Variants in DNAH12 observed in about 807,000 individuals in gnomAD.
DNAH12 encodes axonemal beta dynein heavy chain 12.
In DNAH12, 285 loss-of-function variants were observed where a neutral mutation model predicts 371.5. The observed-to-expected ratio is 0.77, with a 90% CI of 0.70 to 0.85. DNAH12 has a LOEUF of 0.85. Among genes scored for constraint, DNAH12 ranks in the 40% least tolerant of loss-of-function variants. The pLI is 0.00. For missense variants in DNAH12, 3,611 were observed against 3,689.4 expected (o/e 0.98, Z 0.55); for synonymous variants, 1,200 against 1,213.0 (o/e 0.99, Z 0.22).
At chr3:57,332,451 C>A (rs983978666) in intron 62 of DNAH12, among the ~76,000 whole-genome samples, 5 of 152,110 alleles carry the variant, frequency 3.3e-5, no homozygotes, top group Admixed American at 6.5e-5. Flanking sequence ...CATTTTTGCA[C>A]AGGGGGCAAT....
chr3:57,388,468 G>C (rs2063540331), intron 45 of DNAH12, among the ~76,000 whole-genome samples: 1 of 149,598 alleles, frequency 6.7e-6, no homozygotes, highest in African/African-American at 2.5e-5. Context: ...TTTTTTTTTG[G>C]TGTCTAGCCT....
intron 62 of DNAH12, among the ~76,000 whole-genome samples, chr3:57,326,092 T>C (rs13080525): frequency 0.22 from 33,299 of 151,376 alleles, 4,310 homozygotes; most frequent in South Asian, 0.4. Flanking sequence ...ATTGGTGTAC[T>C]TGAAAGTGAC....
intron 59 of DNAH12, among the ~76,000 whole-genome samples, chr3:57,355,767 A>G (rs999038317): frequency 6.6e-6 from 1 of 152,132 alleles, no homozygotes; most frequent in Admixed American, 6.5e-5. Flanking sequence ...CCAAATCCCA[A>G]CTGAGAAGGG....
chr3:57,408,325 T>C lies in DNAH12; in HGVS notation c.6231A>G (p.Pro2077=). 2 of 1,551,356 alleles carry C rather than the reference T, an allele frequency of 1.3e-6. No homozygotes were observed. The highest frequency in any genetic ancestry group is 1.2e-5 in the South Asian group (1 of 83,964). The change falls in exon 40 of 74, where the codon CCA becomes CCG. Residue 2077 remains proline, a synonymous_variant. Coordinates refer to ENST00000495027, the MANE Select transcript of DNAH12 (RefSeq NM_001366028.2). ...TCTGGTTCCCAATTACAAAGTACTC[T>C]GGAGGAAATTCATGAGTTCTAAGGT... The part of the protein sequence containing the change: ...AFYLRTHEFP[P]EYFVIGNQIV...
chr3:57,410,117 G>A (rs576534943), intron 39 of DNAH12, among the ~76,000 whole-genome samples: 1 of 152,152 alleles, frequency 6.6e-6, no homozygotes, highest in Non-Finnish European at 1.5e-5. Flanking sequence ...TAGTTGAAAA[G>A]TGCAGGCATA....
chr3:57,349,794 A>T (rs2062629189), intron 60 of DNAH12, among the ~76,000 whole-genome samples: 1 of 152,054 alleles, frequency 6.6e-6, no homozygotes, highest in African/African-American at 2.4e-5. Context: ...GGCTCAACTG[A>T]TTCTTGCCTC....
chr3:57,413,687 A>T, intron 39 of DNAH12, 59 bp downstream of exon 39: 1 of 1,481,594 alleles, frequency 6.7e-7, no homozygotes, highest in Non-Finnish European at 9.0e-7. Flanking sequence ...TTTACTTTAA[A>T]AACCTAAAAT....
At chr3:57,388,780 C>T (rs992626244) in intron 45 of DNAH12, among the ~76,000 whole-genome samples, 1 of 151,982 alleles carries the variant, frequency 6.6e-6, no homozygotes, top group Non-Finnish European at 1.5e-5. Context: ...TGGAAACCAT[C>T]ATTCTCAGCA....
chr3:57,369,688 T>C (rs1277222949), intron 55 of DNAH12, among the ~76,000 whole-genome samples: 21 of 152,292 alleles, frequency 1.4e-4, no homozygotes, highest in African/African-American at 4.6e-4. Context: ...AGAAGTTACC[T>C]AGTAGTTAGA....
intron 2 of DNAH12, among the ~76,000 whole-genome samples, chr3:57,534,471 A>T (rs1472630718): frequency 2.1e-5 from 3 of 144,620 alleles, no homozygotes; most frequent in Non-Finnish European, 3.0e-5. Context: ...CACCACCATG[A>T]TCACTTTCTG....
chr3:57,514,404 A>G (rs7646180), intron 4 of DNAH12, among the ~76,000 whole-genome samples: 28,870 of 151,664 alleles, frequency 0.19, 3,022 homozygotes, highest in African/African-American at 0.25. Context: ...AAAAAAAAAA[A>G]AAAGAAAAAT....
At position 57,397,179 on chromosome 3, in the gene DNAH12, G is replaced by A. The variant is rs1012902419; in HGVS notation, c.6949-2847C>T. Among the ~76,000 whole-genome samples, 159 of 150,392 alleles carry A rather than the reference G, an allele frequency of 1.1e-3. 1 individual carries two copies. The highest frequency in any genetic ancestry group is 3.8e-3 in the African/African-American group (152 of 39,698). On this transcript the variant is annotated intron_variant, in intron 43 of 73. Transcript: ENST00000495027. ...GACCATCAGCAAGATAATGGGCTAG[G>A]AAGCTCTAGACCCTTGTTCTCCCCT...
chr3:57,439,175 G>A (rs1022077702), intron 29 of DNAH12, among the ~76,000 whole-genome samples: 6 of 152,036 alleles, frequency 3.9e-5, no homozygotes, highest in African/African-American at 7.2e-5. Context: ...AAGCTACCAA[G>A]ATTACTTTTC....
chr3:57,350,067 T>C (rs2062634570), intron 60 of DNAH12, among the ~76,000 whole-genome samples: 1 of 152,158 alleles, frequency 6.6e-6, no homozygotes. Context: ...TTCTCACTCA[T>C]ATATGGGAGC....
In DNAH12 at chr3:57,405,766, T is replaced by C. The variant is rs1256750436; in HGVS notation, c.6463A>G (p.Ile2155Val). 1.9e-6 allele frequency: 3 copies of C among 1,551,596 alleles called. No homozygotes were observed. The highest frequency in any genetic ancestry group is 1.2e-5 in the South Asian group (1 of 84,066). Residue 2155 changes from isoleucine to valine, a missense_variant, in exon 41 of 74, where the codon ATT becomes GTT. Coordinates refer to ENST00000495027, the MANE Select transcript of DNAH12 (RefSeq NM_001366028.2). ...AGCCATCTTCGATCATCATCATTAA[T>C]GAGGCGATCATAAAACACTCGGAGA... ...EVLRVFYDRLINDDDRRWLFQ... is the reference protein window; with the variant it reads ...EVLRVFYDRLVNDDDRRWLFQ...
At chr3:57,386,879 G>A (rs1464125538) in intron 46 of DNAH12, among the ~76,000 whole-genome samples, 1 of 152,128 alleles carries the variant, frequency 6.6e-6, no homozygotes, top group Non-Finnish European at 1.5e-5. Context: ...AATAAAAGAT[G>A]AACTACAACA....
rs111770579 is a variant in DNAH12 at position 57,352,094 on chromosome 3, T to C, written c.9665A>G (p.Asn3222Ser). The C allele has an allele frequency of 8.6e-6, 13 of 1,516,000 alleles. No homozygotes were observed. The highest frequency in any genetic ancestry group is 4.0e-5 in the South Asian group (3 of 74,578). 93.9% of individuals were successfully genotyped at this position (1,516,000 alleles called of 1,614,324 possible). The change falls in exon 60 of 74, where the codon AAT becomes AGT. Residue 3222 changes from asparagine (N) to serine (S), a missense_variant. Physicochemically the swap from Asn to Ser is conservative, Grantham distance 46 (BLOSUM62 1). Coordinates refer to ENST00000495027, the MANE Select transcript of DNAH12 (RefSeq NM_001366028.2). ...AAAGCAAGTAACTTACAGAAGAAGA[T>C]TGGCACATAATAAAAAGGAAAATAA... is the stretch of plus-strand genomic sequence containing the variant. ...KLLFSFLLCA[N>S]LLLARKEIEY...
chr3:57,369,340 A>G (rs987999595), intron 55 of DNAH12, among the ~76,000 whole-genome samples: 12 of 94,584 alleles, frequency 1.3e-4, no homozygotes, highest in African/African-American at 4.0e-4. Flanking sequence ...ATTTATAAAT[A>G]TTTAAATAAA....
chr3:57,294,114 TA>T (rs1185590861), intron 73 of DNAH12, 143 bp from the exon 74 acceptor site: 4 of 644,904 alleles, frequency 6.2e-6, no homozygotes, highest in Admixed American at 3.7e-5. Context: ...ACAGCATATA[TA>T]TTTTTTTACA....
Sources: gnomAD v4.1 joint callset for allele counts (sites outside exome capture counted in the v4.1 genomes callset) on GRCh38, gnomAD v4.1.1 for gene constraint, MANE v1.5 for transcripts, NCBI Gene and HGNC (gene_info 2026-07-23, HGNC 2026-07-21) for gene names.